The following PLEKHA3 variants were observed in gnomAD, a reference collection of about 807,000 sequenced individuals.
PLEKHA3 encodes pleckstrin homology domain containing A3.
A neutral mutation model predicts 39.2 loss-of-function variants in PLEKHA3; 19 were observed. The ratio of observed to expected loss-of-function variants is 0.48; its 90% CI spans 0.34 to 0.71. The LOEUF (loss-of-function observed/expected upper bound fraction) is 0.71. Among genes scored for constraint, PLEKHA3 ranks in the 30% least tolerant of loss-of-function variants. The pLI, the probability that PLEKHA3 is intolerant of heterozygous loss-of-function variation, is 0.01. For synonymous variants in PLEKHA3, 97 were observed against 118.6 expected, an observed-to-expected ratio of 0.82 and a Z score of 1.18; for missense variants, 253 against 359.5, an observed-to-expected ratio of 0.70 and a Z score of 2.40.
At chr2:178,495,717 G>A (rs980676920) in intron 5 of PLEKHA3, 57 bp downstream of exon 5, 104 of 1,517,366 alleles carry the variant, frequency 6.9e-5, no homozygotes, top group Non-Finnish European at 8.4e-5. Context: ...TGTGGTTTTC[G>A]TTTCATTTTG....
At chr2:178,502,251 A>C in intron 7 of PLEKHA3, 18 of 172,428 alleles carry the variant, frequency 1.0e-4, no homozygotes, top group Non-Finnish European at 1.3e-5. Context: ...TTTAATGCCC[A>C]CTTTTTTTTT....
rs1685526620 is a variant in PLEKHA3, at chr2:178,501,296, T to C, written c.775+120T>C. On this transcript the variant is annotated intron_variant, in intron 7 of 7. Coordinates refer to ENST00000234453, the MANE Select transcript of PLEKHA3 (RefSeq NM_019091.4). Reference sequence around the variant, plus strand: ...ATTGTACTTTGTTTCTTTGATTCCTTAATTCAGAGGTAAGCAAACAGCGCT... The same window carrying C: ...ATTGTACTTTGTTTCTTTGATTCCTCAATTCAGAGGTAAGCAAACAGCGCT... 4 of 714,870 alleles carry C rather than the reference T, an allele frequency of 5.6e-6. No homozygotes were observed. The South Asian group carries it at 7.5e-5, about 13-fold the overall frequency. 44.3% of individuals were successfully genotyped at this position (714,870 alleles called of 1,614,324 possible). A position where few individuals can be genotyped will look rare whatever the true frequency, so the allele number is the denominator to read the frequency against.
rs3769865 is a variant in PLEKHA3 at position 178,498,265 on chromosome 2, C to G, written c.616-946C>G. Among the ~76,000 whole-genome samples the G allele has an allele frequency of 6.8e-4, 103 of 152,246 alleles. 1 individual carries two copies. The East Asian group carries it at 0.017, about 26-fold the overall frequency. ...TTTCTGTTAAAGGAGATGTTAGTGG[C>G]CATTTGCATCTTAATGTCAATCTTA... On this transcript the variant is annotated intron_variant, in intron 5 of 7. Transcript: ENST00000234453.
At chr2:178,500,517 A>G (rs1685514980) in intron 6 of PLEKHA3, among the ~76,000 whole-genome samples, 1 of 152,120 alleles carries the variant, frequency 6.6e-6, no homozygotes, top group African/African-American at 2.4e-5. Context: ...GGCTGTTACA[A>G]AAATAGTAGC....
chr2:178,491,010 C>CTTTTTTTTTTTTTTTTTT (rs1204723389), intron 3 of PLEKHA3, among the ~76,000 whole-genome samples, 196 bp downstream of exon 3: 6 of 129,522 alleles, frequency 4.6e-5, no homozygotes, highest in African/African-American at 1.2e-4. Context: ...CTCTTTCTTT[C>CTTTTTTTTTTTTTTTTTT]TTTTTTTTTT....
intron 1 of PLEKHA3, 79 bp downstream of exon 1, chr2:178,480,988 C>G (rs1337831288): frequency 4.8e-6 from 6 of 1,237,720 alleles, no homozygotes; most frequent in Non-Finnish European, 6.3e-6. Context: ...CCTCTTCCTC[C>G]GTCTGGCCTC....
intron 3 of PLEKHA3, 118 bp from the exon 4 acceptor site, chr2:178,493,735 C>T (rs1345772826): frequency 2.3e-6 from 2 of 881,382 alleles, no homozygotes; most frequent in African/African-American, 1.7e-5. Flanking sequence ...TCCAAGGTCT[C>T]ACATTTCTTG....
rs35052196 is a variant in PLEKHA3, at chr2:178,507,658, G to GTTTTTTTTTT, written c.*3798_*3807dup. Reference sequence around the variant, plus strand: ...CCTTTAGTTTTTAGTCTCACATTAGGTTTTTTTTTTTTTTTTTTTTTTTTT... The same window carrying GTTTTTTTTTT: ...CCTTTAGTTTTTAGTCTCACATTAGGTTTTTTTTTTTTTTTTTTTTTTTTTTTTTTTTTTT... On this transcript the variant is annotated 3_prime_UTR_variant, in exon 8 of 8. Transcript: ENST00000234453. The GTTTTTTTTTT allele has an allele frequency of 2.4e-3, 69 of 28,820 alleles. 21 individuals are homozygous for GTTTTTTTTTT. Among genetic ancestry groups the GTTTTTTTTTT allele is most frequent in the East Asian group, 4.6e-3 (6 of 1,298 alleles). 1.8% of individuals were successfully genotyped at this position (28,820 alleles called of 1,614,324 possible). A position where few individuals can be genotyped will look rare whatever the true frequency, so the allele number is the denominator to read the frequency against.
rs895416315 is a variant in PLEKHA3, at chr2:178,506,353, C to A, written c.*2466C>A. Reference sequence around the variant, plus strand: ...CTCACTATTCTTTGGGAATCGCAGGCCTCCATGACTAAAGGGATTTTGATA... The same window carrying A: ...CTCACTATTCTTTGGGAATCGCAGGACTCCATGACTAAAGGGATTTTGATA... On this transcript the variant is annotated 3_prime_UTR_variant, in exon 8 of 8. Coordinates refer to ENST00000234453, the MANE Select transcript of PLEKHA3 (RefSeq NM_019091.4). 7.2e-5 allele frequency: 11 copies of A among 152,098 alleles called. No individual in the cohort carries two copies. The highest frequency in any genetic ancestry group is 1.3e-4 in the Admixed American group (2 of 15,272). The allele number at this position is 152,098 out of a possible 1,614,324, so 9.4% of individuals were successfully genotyped here. A position where few individuals can be genotyped will look rare whatever the true frequency, so the allele number is the denominator to read the frequency against.
At chr2:178,501,450 T>C (rs1685528658) in intron 7 of PLEKHA3, among the ~76,000 whole-genome samples, 1 of 151,950 alleles carries the variant, frequency 6.6e-6, no homozygotes, top group African/African-American at 2.4e-5. Flanking sequence ...TTACCACCAC[T>C]AGGACTTAAA....
intron 6 of PLEKHA3, among the ~76,000 whole-genome samples, chr2:178,500,245 T>A (rs1685509680): frequency 6.6e-6 from 1 of 152,070 alleles, no homozygotes; most frequent in Non-Finnish European, 1.5e-5. Flanking sequence ...ATGTTTTAAT[T>A]TTTTCCCCTG....
rs1471517828 is a variant in PLEKHA3, at chr2:178,513,422, G to A, written c.*9535G>A. ...ACAATTCTGACCCCTATTATTGTTG[G>A]CTGGACAGGCATTTTCTTTTTAATT... On this transcript the variant is annotated 3_prime_UTR_variant, in exon 8 of 8. Coordinates refer to ENST00000234453, the MANE Select transcript of PLEKHA3 (RefSeq NM_019091.4). 1 of 152,108 alleles carries A rather than the reference G, an allele frequency of 6.6e-6. No individual in the cohort carries two copies. The highest frequency in any genetic ancestry group is 2.4e-5 in the African/African-American group (1 of 41,410). 9.4% of individuals were successfully genotyped at this position (152,108 alleles called of 1,614,324 possible).
At position 178,514,090 on chromosome 2, in the gene PLEKHA3, G is replaced by GT. The variant is rs1685726256; in HGVS notation, c.*10203_*10204insT. On this transcript the variant is annotated 3_prime_UTR_variant, in exon 8 of 8. Transcript: ENST00000234453. ...CACAGCTCTCATTTAGCTTATTATT[G>GT]ATTTTTTTTTCTTGTTTTGCAGTTG... 2 of 146,658 alleles carry GT rather than the reference G, an allele frequency of 1.4e-5. No homozygotes were observed. The highest frequency in any genetic ancestry group is 3.0e-5 in the Non-Finnish European group (2 of 65,686). The allele number at this position is 146,658 out of a possible 1,614,324, so 9.1% of individuals were successfully genotyped here.
At chr2:178,502,423 A>C in intron 7 of PLEKHA3, 2 of 412,004 alleles carry the variant, frequency 4.9e-6, no homozygotes, top group Non-Finnish European at 9.6e-6. Flanking sequence ...CCTGGAAGAG[A>C]AGAGGAGGAG....
chr2:178,482,120 CAATT>C (rs1482010805), intron 1 of PLEKHA3: 6 of 153,682 alleles, frequency 3.9e-5, no homozygotes, highest in African/African-American at 1.4e-4. Flanking sequence ...ACTAAAAACT[CAATT>C]TATTTCTATA....
Position 178,511,035 on chromosome 2 carries a change from CTT to C in PLEKHA3, c.*7153_*7154del, listed in dbSNP as rs886483703. ...AATCTCTTTCAGATATTTTAAGTAT[CTT>C]TTTTGTGTCTGGATTCAGAGAGGTA... On this transcript the variant is annotated 3_prime_UTR_variant, in exon 8 of 8. Transcript: ENST00000234453. 1 of 151,966 alleles carries C rather than the reference CTT, an allele frequency of 6.6e-6. No homozygotes were observed. Among genetic ancestry groups the C allele is most frequent in the Non-Finnish European group, 1.5e-5 (1 of 67,992 alleles). The allele number at this position is 151,966 out of a possible 1,614,324, so 9.4% of individuals were successfully genotyped here. A position where few individuals can be genotyped will look rare whatever the true frequency, so the allele number is the denominator to read the frequency against.
intron 2 of PLEKHA3, 72 bp downstream of exon 2, chr2:178,485,829 G>A (rs1685240721): frequency 2.6e-6 from 3 of 1,145,048 alleles, no homozygotes; most frequent in African/African-American, 3.1e-5. Flanking sequence ...CTCCAGACGA[G>A]GAAAAAAAGC....
rs1685670728 is a variant in PLEKHA3 at position 178,510,694 on chromosome 2, AT to A, written c.*6810del. On this transcript the variant is annotated 3_prime_UTR_variant, in exon 8 of 8. Transcript: ENST00000234453. ...CTAACATGCCAGTGCCTTATCTTGG[AT>A]TTCTCAGCCTCCAAAACTGTGAAAA... The A allele has an allele frequency of 6.5e-6, 1 of 153,752 alleles. No homozygotes were observed. 9.5% of individuals were successfully genotyped at this position (153,752 alleles called of 1,614,324 possible). A position where few individuals can be genotyped will look rare whatever the true frequency, so the allele number is the denominator to read the frequency against.
At position 178,485,968 on chromosome 2, in the gene PLEKHA3, G is replaced by A. The variant is rs572479827; in HGVS notation, c.157+211G>A. 2.0e-5 allele frequency among the ~76,000 whole-genome samples: 3 copies of A among 152,276 alleles called. No homozygotes were observed. The East Asian group carries it at 5.8e-4, about 29-fold the overall frequency. Reference sequence around the variant, plus strand: ...TCCCTCTACAAATGTATTTTTGAATGGAAATAACTTTTGCTAGTCTTCCAA... The same window carrying A: ...TCCCTCTACAAATGTATTTTTGAATAGAAATAACTTTTGCTAGTCTTCCAA... On this transcript the variant is annotated intron_variant, in intron 2 of 7. Coordinates refer to ENST00000234453, the MANE Select transcript of PLEKHA3 (RefSeq NM_019091.4).
Sources: gnomAD v4.1 joint callset for allele counts (sites outside exome capture counted in the v4.1 genomes callset) on GRCh38, gnomAD v4.1.1 for gene constraint, MANE v1.5 for transcripts, NCBI Gene and HGNC (gene_info 2026-07-23, HGNC 2026-07-21) for gene names.